The following PDGFC variants were observed in gnomAD, a reference collection of about 807,000 sequenced individuals.
The protein encoded by PDGFC is platelet derived growth factor C.
In PDGFC, 12 loss-of-function variants were observed where a neutral mutation model predicts 35.5. The observed-to-expected ratio is 0.34, with a 90% CI of 0.22 to 0.55. The LOEUF is 0.55. Ranked by LOEUF, PDGFC falls within the 20% of genes least tolerant of loss-of-function variation. PDGFC has a pLI of 0.91. For synonymous variants in PDGFC, 159 were observed against 148.8 expected, an observed-to-expected ratio of 1.07 and a Z score of -0.50; for missense variants, 322 against 412.4, an observed-to-expected ratio of 0.78 and a Z score of 1.90.
chr4:156,925,751 A>C (rs1731394619), intron 1 of PDGFC, among the ~76,000 whole-genome samples: 1 of 151,462 alleles, frequency 6.6e-6, no homozygotes, highest in Non-Finnish European at 1.5e-5. Context: ...CTAAAAAAAA[A>C]AAAAAGAGAG....
intron 3 of PDGFC, among the ~76,000 whole-genome samples, chr4:156,776,191 A>G (rs1464653863): frequency 1.3e-5 from 2 of 152,246 alleles, no homozygotes; most frequent in African/African-American, 4.8e-5. Context: ...ACTGTTCATT[A>G]CAGACTAATA....
intron 1 of PDGFC, among the ~76,000 whole-genome samples, chr4:156,870,000 C>CT (rs1164365840): frequency 1.3e-5 from 2 of 151,590 alleles, no homozygotes; most frequent in African/African-American, 4.8e-5. Context: ...AAAAACCCAG[C>CT]TTTTTTTTAT....
chr4:156,784,413 C>T (rs937897872), intron 3 of PDGFC, among the ~76,000 whole-genome samples: 5 of 152,006 alleles, frequency 3.3e-5, no homozygotes, highest in South Asian at 2.1e-4. Flanking sequence ...GAAAGATCAA[C>T]AAGAAAGAGG....
rs532548640 is a variant in PDGFC, at chr4:156,827,416, C to CAA, written c.315-16401_315-16400dup. Reference sequence around the variant, plus strand: ...TGGGTGACAGAGTGAGACTCCATCTCAAAAAAAAAAAAAATAACAGATTGA... The same window carrying CAA: ...TGGGTGACAGAGTGAGACTCCATCTCAAAAAAAAAAAAAAAATAACAGATTGA... On this transcript the variant is annotated intron_variant, in intron 2 of 5. Coordinates refer to ENST00000502773, the MANE Select transcript of PDGFC (RefSeq NM_016205.3). Among the ~76,000 whole-genome samples, 602 of 126,310 alleles carry CAA rather than the reference C, an allele frequency of 4.8e-3. 1 individual carries two copies. Among genetic ancestry groups the CAA allele is most frequent in the African/African-American group, 0.013 (425 of 33,800 alleles). The allele number at this position is 126,310 out of a possible 152,430, so 82.9% of individuals were successfully genotyped here. A position where few individuals can be genotyped will look rare whatever the true frequency, so the allele number is the denominator to read the frequency against.
chr4:156,959,752 A>T (rs1335913462), intron 1 of PDGFC, among the ~76,000 whole-genome samples: 1 of 152,022 alleles, frequency 6.6e-6, no homozygotes, highest in Admixed American at 6.6e-5. Context: ...TTGCTACGGT[A>T]GGTTGGCCAC....
At chr4:156,802,091 T>C (rs771717969) in intron 3 of PDGFC, among the ~76,000 whole-genome samples, 1 of 152,196 alleles carries the variant, frequency 6.6e-6, no homozygotes, top group Non-Finnish European at 1.5e-5. Flanking sequence ...TAGCCCACCT[T>C]TCCCCTTTAA....
At chr4:156,916,036 C>T (rs541522377) in intron 1 of PDGFC, among the ~76,000 whole-genome samples, 1 of 152,182 alleles carries the variant, frequency 6.6e-6, no homozygotes, top group Admixed American at 6.5e-5. Flanking sequence ...TCTACAATGG[C>T]CAAAAGAAGC....
chr4:156,902,321 T>C (rs2110769715), intron 1 of PDGFC, among the ~76,000 whole-genome samples: 2 of 152,348 alleles, frequency 1.3e-5, no homozygotes, highest in South Asian at 4.1e-4. Flanking sequence ...CTTAATATTC[T>C]GTCAAATTTG....
rs1056553147 is a variant in PDGFC at position 156,871,408 on chromosome 4, G to T, written c.119-20992C>A. ...AATTAAAGCATTATTCTGAGATTTT[G>T]ATTTCCAAATTTGACTGAAGATAAG... On this transcript the variant is annotated intron_variant, in intron 1 of 5. Transcript: ENST00000502773. 2.0e-5 allele frequency among the ~76,000 whole-genome samples: 3 copies of T among 152,040 alleles called. No individual in the cohort carries two copies. In the South Asian group the frequency reaches 6.2e-4, roughly 31 times the overall value.
intron 2 of PDGFC, among the ~76,000 whole-genome samples, chr4:156,813,727 C>T (rs912559072): frequency 2.0e-5 from 3 of 151,972 alleles, no homozygotes; most frequent in African/African-American, 7.3e-5. Context: ...TTTGGTAGGC[C>T]AATGTTGAAA....
intron 1 of PDGFC, among the ~76,000 whole-genome samples, chr4:156,944,490 T>C (rs1462165200): frequency 6.6e-6 from 1 of 152,136 alleles, no homozygotes; most frequent in Non-Finnish European, 1.5e-5. Context: ...ATAAAATCCA[T>C]CACCAATGTG....
chr4:156,850,188 T>C, intron 2 of PDGFC, 33 bp downstream of exon 2: 1 of 1,147,378 alleles, frequency 8.7e-7, no homozygotes, highest in East Asian at 2.6e-5. Context: ...TAACAGTTGT[T>C]ACATTGTTGG....
chr4:156,888,278 G>T (rs1274294793), intron 1 of PDGFC, among the ~76,000 whole-genome samples: 2 of 151,886 alleles, frequency 1.3e-5, no homozygotes, highest in Non-Finnish European at 2.9e-5. Flanking sequence ...GGTATTTAGA[G>T]AACAATATAA....
chr4:156,885,981 G>C (rs868035996), intron 1 of PDGFC, among the ~76,000 whole-genome samples: 7 of 152,204 alleles, frequency 4.6e-5, no homozygotes, highest in African/African-American at 1.4e-4. Flanking sequence ...AGGTATCCTA[G>C]CTCTTAGACT....
rs1257052205 is a variant in PDGFC at position 156,762,782 on chromosome 4, C to CCGTT, written c.*307_*308insAACG. The CCGTT allele has an allele frequency of 4.4e-6, 1 of 225,458 alleles. No individual in the cohort carries two copies. The highest frequency in any genetic ancestry group is 8.8e-6 in the Non-Finnish European group (1 of 113,902). The allele number at this position is 225,458 out of a possible 1,614,324, so 14.0% of individuals were successfully genotyped here. Reference sequence around the variant, plus strand: ...GTATCGAAAGAACTGAAATACAGAACCCAGCTAGTGGAATACGTACATGGT... The same window carrying CCGTT: ...GTATCGAAAGAACTGAAATACAGAACCGTTCCAGCTAGTGGAATACGTACATGGT... On this transcript the variant is annotated 3_prime_UTR_variant, in exon 6 of 6. Transcript: ENST00000502773.
intron 1 of PDGFC, among the ~76,000 whole-genome samples, chr4:156,877,820 C>A (rs1431363968): frequency 6.6e-6 from 1 of 152,160 alleles, no homozygotes; most frequent in East Asian, 1.9e-4. Context: ...CGGCAACCTG[C>A]ATCCCACATT....
At chr4:156,958,413 A>T (rs1732261051) in intron 1 of PDGFC, among the ~76,000 whole-genome samples, 1 of 152,044 alleles carries the variant, frequency 6.6e-6, no homozygotes, top group African/African-American at 2.4e-5. Flanking sequence ...GTGAAGCTGA[A>T]GCAGTTATTT....
At chr4:156,944,244 A>G (rs760409513) in intron 1 of PDGFC, among the ~76,000 whole-genome samples, 4 of 152,192 alleles carry the variant, frequency 2.6e-5, no homozygotes, top group Admixed American at 6.5e-5. Context: ...AGGTATCAAT[A>G]TGTGTTAAGA....
In PDGFC at chr4:156,971,214, G is replaced by T; in HGVS notation, c.-311C>A. The T allele has an allele frequency of 2.4e-6, 1 of 424,024 alleles. No individual in the cohort carries two copies. Among genetic ancestry groups the T allele is most frequent in the South Asian group, 9.3e-5 (1 of 10,720 alleles). 26.3% of individuals were successfully genotyped at this position (424,024 alleles called of 1,614,324 possible). A position where few individuals can be genotyped will look rare whatever the true frequency, so the allele number is the denominator to read the frequency against. On this transcript the variant is annotated 5_prime_UTR_variant, in exon 1 of 6. Coordinates refer to ENST00000502773, the MANE Select transcript of PDGFC (RefSeq NM_016205.3). Reference sequence around the variant, plus strand: ...GGGGTGAAGGCGAGGGAGGAATGAGGGGGTGGGGACGCGGGGGAGCGGCGA... The same window carrying T: ...GGGGTGAAGGCGAGGGAGGAATGAGTGGGTGGGGACGCGGGGGAGCGGCGA...
Sources: allele counts gnomAD v4.1 joint callset (sites outside exome capture counted in the v4.1 genomes callset), GRCh38; gene constraint gnomAD v4.1.1; transcripts MANE v1.5; gene names NCBI Gene and HGNC (gene_info 2026-07-23, HGNC 2026-07-21).